Variants in IRAG2 observed in about 807,000 individuals in gnomAD.
IRAG2 encodes the protein inositol 1,4,5-triphosphate receptor associated 2, also known as lymphoid restricted membrane protein.
A neutral mutation model predicts 69.9 loss-of-function variants in IRAG2; 45 were observed. The observed-to-expected ratio is 0.64, with a 90% CI of 0.51 to 0.83. The LOEUF (loss-of-function observed/expected upper bound fraction) is 0.83, where lower values mean the gene tolerates loss of function less well. Among genes scored for constraint, IRAG2 ranks in the 40% least tolerant of loss-of-function variants. IRAG2 has a pLI of 0.00. For synonymous variants in IRAG2, 193 were observed against 202.4 expected (o/e 0.95, Z 0.40); for missense variants, 520 against 587.0 (o/e 0.89, Z 1.18).
At chr12:25,068,762 C>T (rs1289606369) in intron 5 of IRAG2, among the ~76,000 whole-genome samples, 1 of 152,158 alleles carries the variant, frequency 6.6e-6, no homozygotes, top group East Asian at 1.9e-4. Flanking sequence ...GAACCAGGAT[C>T]AGAGACCAAA....
intron 1 of IRAG2, among the ~76,000 whole-genome samples, chr12:25,057,768 C>T (rs1945360417): frequency 1.3e-5 from 2 of 152,086 alleles, no homozygotes; most frequent in South Asian, 2.1e-4. Flanking sequence ...GTGCAACTTC[C>T]CAGTCAATGC....
At chr12:25,017,666 C>A (rs534358382) in intron 6 of IRAG2, among the ~76,000 whole-genome samples, 1 of 151,092 alleles carries the variant, frequency 6.6e-6, no homozygotes, top group African/African-American at 2.4e-5. Flanking sequence ...TGCAGTAAGC[C>A]AAGATCGTGC....
chr12:25,083,207 T>G (rs1947341721), intron 9 of IRAG2, among the ~76,000 whole-genome samples: 5 of 152,190 alleles, frequency 3.3e-5, no homozygotes, highest in Non-Finnish European at 1.5e-5. Flanking sequence ...TTTGTACAGA[T>G]GTTCACTTCT....
intron 20 of IRAG2, among the ~76,000 whole-genome samples, chr12:25,106,282 TACAC>T (rs1214809120): frequency 6.7e-6 from 1 of 149,946 alleles, no homozygotes; most frequent in African/African-American, 2.4e-5. Context: ...TATATACACA[TACAC>T]ACACGCACAC....
exon 11 of IRAG2, chr12:25,032,185 A>G: frequency 2.5e-6 from 1 of 399,078 alleles, no homozygotes. Context: ...ATCATAGAAT[A>G]TGGAAGCATT....
At chr12:25,097,723 A>G (rs1160487553) in intron 15 of IRAG2, 2 of 152,220 alleles carry the variant, frequency 1.3e-5, no homozygotes, top group East Asian at 3.8e-4. Context: ...GTTCCTTTTT[A>G]ACCCCTCACT....
At chr12:25,099,973 C>A (rs1401277922) in intron 15 of IRAG2, among the ~76,000 whole-genome samples, 1 of 106,772 alleles carries the variant, frequency 9.4e-6, no homozygotes, top group Non-Finnish European at 1.7e-5. Flanking sequence ...GCACTCCAGC[C>A]TGGGCAACAA....
At position 25,074,252 on chromosome 12, in the gene IRAG2, C is replaced by T. The variant is rs76339941; in HGVS notation, c.24+4821C>T. Among the ~76,000 whole-genome samples the T allele has an allele frequency of 3.4e-3, 512 of 152,300 alleles. 2 individuals are homozygous for T. Among genetic ancestry groups the T allele is most frequent in the African/African-American group, 0.012 (488 of 41,554 alleles). The stretch of plus-strand genomic sequence containing the variant: ...GGCCTAACCTGTCCATGGAAACAAA[C>T]CAACTAGGTCATATGTAGAGGCAAG... On this transcript the variant is annotated intron_variant, in intron 6 of 21. Coordinates refer to ENST00000556887, the MANE Select transcript of IRAG2 (RefSeq NM_001366544.2).
At chr12:25,055,405 A>G (rs1359002577) in intron 1 of IRAG2, among the ~76,000 whole-genome samples, 1 of 152,200 alleles carries the variant, frequency 6.6e-6, no homozygotes, top group Admixed American at 6.5e-5. Context: ...TTTATATCCA[A>G]GTATCTTGTT....
chr12:25,002,268 C>T (rs1944397044), upstream of IRAG2, among the ~76,000 whole-genome samples: 1 of 152,144 alleles, frequency 6.6e-6, no homozygotes. Context: ...AAAGGTGATC[C>T]TGAAAAGTAG....
chr12:25,035,453 C>T, intron 13 of IRAG2: 2 of 381,710 alleles, frequency 5.2e-6, no homozygotes, highest in Non-Finnish European at 9.3e-6. Context: ...TTCCTTAAGA[C>T]AGAATAAATG....
At chr12:25,088,265 C>T in intron 11 of IRAG2, 108 bp downstream of exon 11, 1 of 871,700 alleles carries the variant, frequency 1.1e-6, no homozygotes, top group East Asian at 2.6e-5. Context: ...TTCTGCATCT[C>T]TGGATAAGGT....
chr12:25,025,644 G>A (rs1029870906), intron 8 of IRAG2, among the ~76,000 whole-genome samples: 1 of 152,216 alleles, frequency 6.6e-6, no homozygotes, highest in Admixed American at 6.5e-5. Flanking sequence ...TTGTAGCGGG[G>A]CAAGAGAAAA....
At chr12:25,105,297 C>T (rs1409278394) in intron 20 of IRAG2, among the ~76,000 whole-genome samples, 3 of 152,016 alleles carry the variant, frequency 2.0e-5, no homozygotes, top group Admixed American at 6.5e-5. Flanking sequence ...AGGATGGTCT[C>T]GATCTCCTGA....
chr12:25,007,741 C>T (rs752162026), intron 2 of IRAG2, among the ~76,000 whole-genome samples: 5 of 152,146 alleles, frequency 3.3e-5, no homozygotes, highest in Non-Finnish European at 7.4e-5. Flanking sequence ...AGGCTAGTCT[C>T]GAACTCCTGA....
At chr12:25,016,674 AATTGCTTGAATTTGGGAGGCGGAGG>A (rs1035554109) in intron 5 of IRAG2, among the ~76,000 whole-genome samples, 1 of 151,880 alleles carries the variant, frequency 6.6e-6, no homozygotes, top group African/African-American at 2.4e-5. Flanking sequence ...GAGGCAGGAG[AATTGCTTGAATTTGGGAGGCGGAGG>A]ATCGTGCCAC....
At chr12:25,077,318 A>T (rs1345649341) in intron 6 of IRAG2, among the ~76,000 whole-genome samples, 1 of 34,470 alleles carries the variant, frequency 2.9e-5, no homozygotes, top group African/African-American at 9.9e-5. Context: ...GATATATATG[A>T]TATATATATG....
chr12:25,054,446 C>T (rs1158288624), intron 1 of IRAG2, among the ~76,000 whole-genome samples: 2 of 152,162 alleles, frequency 1.3e-5, no homozygotes, highest in African/African-American at 4.8e-5. Context: ...GTTCCCCTTC[C>T]TCACTGTGAT....
intron 9 of IRAG2, 96 bp from the exon 10 acceptor site, chr12:25,083,327 G>A: frequency 1.3e-6 from 1 of 790,814 alleles, no homozygotes; most frequent in Non-Finnish European, 2.3e-6. Flanking sequence ...ACCTTTGTCA[G>A]TTACTGGTCA....
Sources: allele counts gnomAD v4.1 joint callset (sites outside exome capture counted in the v4.1 genomes callset), GRCh38; gene constraint gnomAD v4.1.1; transcripts MANE v1.5; gene names NCBI Gene and HGNC (gene_info 2026-07-23, HGNC 2026-07-21).